Variants in INPP5A observed in about 807,000 individuals in gnomAD.
The protein encoded by INPP5A is inositol polyphosphate-5-phosphatase A.
In INPP5A, 14 loss-of-function variants were observed where a neutral mutation model predicts 65.2. That is an observed-to-expected ratio of 0.21 (90% confidence interval 0.14 to 0.34). The LOEUF is 0.34. Ranked by LOEUF, INPP5A falls within the 10% of genes least tolerant of loss-of-function variation. INPP5A has a pLI of 1.00. For synonymous variants in INPP5A, 207 were observed against 208.3 expected, an observed-to-expected ratio of 0.99 and a Z score of 0.05; for missense variants, 431 against 545.6, an observed-to-expected ratio of 0.79 and a Z score of 2.09.
At chr10:132,686,490 G>C (rs750568337) in intron 4 of INPP5A, among the ~76,000 whole-genome samples, 1 of 152,206 alleles carries the variant, frequency 6.6e-6, no homozygotes, top group Non-Finnish European at 1.5e-5. Context: ...GGCAGGCCCC[G>C]GACACGCTCC....
chr10:132,685,990 C>T (rs1219036974), intron 4 of INPP5A, among the ~76,000 whole-genome samples: 4 of 152,220 alleles, frequency 2.6e-5, no homozygotes, highest in African/African-American at 9.6e-5. Context: ...AGGCACTGAG[C>T]CCCCATGGTA....
At chr10:132,599,706 C>A (rs1035600304) in intron 1 of INPP5A, among the ~76,000 whole-genome samples, 1 of 152,240 alleles carries the variant, frequency 6.6e-6, no homozygotes, top group Non-Finnish European at 1.5e-5. Flanking sequence ...TCCATGAGGG[C>A]CCCACCCCTG....
chr10:132,651,656 C>T lies in INPP5A; in HGVS notation c.306+1151C>T, dbSNP rs941673761. 6.6e-5 allele frequency among the ~76,000 whole-genome samples: 10 copies of T among 152,178 alleles called. No homozygotes were observed. Among genetic ancestry groups the T allele is most frequent in the Non-Finnish European group, 7.4e-5 (5 of 68,022 alleles). On this transcript the variant is annotated intron_variant, in intron 4 of 15. Coordinates refer to ENST00000368594, the MANE Select transcript of INPP5A (RefSeq NM_005539.5). This position sits in a 1 kb window ranked among gnomAD's most constrained non-coding sequence, Gnocchi z 5.0. The stretch of plus-strand genomic sequence containing the variant: ...ATCTGCCCTCTCCCAGGTGGGCCCC[C>T]GTAGGCTGCAGTGCTGAGGGTCTCG...
chr10:132,718,252 C>T (rs962688722), intron 8 of INPP5A, among the ~76,000 whole-genome samples: 59 of 142,806 alleles, frequency 4.1e-4, no homozygotes, highest in South Asian at 1.4e-3. Context: ...AGACGGCTGT[C>T]TTGCGGGTTC....
chr10:132,631,366 A>G (rs2072270941), intron 2 of INPP5A, among the ~76,000 whole-genome samples: 1 of 152,106 alleles, frequency 6.6e-6, no homozygotes, highest in Non-Finnish European at 1.5e-5. Context: ...CCCAGCCCCG[A>G]AGGGACCTGG....
At chr10:132,648,403 T>G (rs1323579699) in intron 3 of INPP5A, among the ~76,000 whole-genome samples, 1 of 152,266 alleles carries the variant, frequency 6.6e-6, no homozygotes, top group East Asian at 1.9e-4. Context: ...CTTTAAACAA[T>G]TTTCTTTTTA....
chr10:132,624,871 GC>G (rs1564938832), intron 2 of INPP5A, among the ~76,000 whole-genome samples: 1 of 148,058 alleles, frequency 6.8e-6, no homozygotes, highest in Non-Finnish European at 1.5e-5. Flanking sequence ...GCTCCATGCC[GC>G]CGGTGCCAGG....
intron 1 of INPP5A, among the ~76,000 whole-genome samples, chr10:132,577,841 G>A (rs1477321680): frequency 6.6e-6 from 1 of 152,218 alleles, no homozygotes; most frequent in Non-Finnish European, 1.5e-5. Flanking sequence ...CTCGGTTCCA[G>A]CCTCGTTGGT....
At chr10:132,744,661 T>C (rs1018002469) in intron 9 of INPP5A, among the ~76,000 whole-genome samples, 4 of 152,228 alleles carry the variant, frequency 2.6e-5, no homozygotes, top group Admixed American at 6.5e-5. Flanking sequence ...GGGGGCAACG[T>C]TGGCTTTGTG....
At chr10:132,641,650 C>G (rs940376850) in intron 2 of INPP5A, among the ~76,000 whole-genome samples, 1 of 152,170 alleles carries the variant, frequency 6.6e-6, no homozygotes, top group Admixed American at 6.5e-5. Context: ...GTAAACTGTG[C>G]GTGGAGGTAG....
intron 12 of INPP5A, among the ~76,000 whole-genome samples, chr10:132,773,386 T>A (rs1846989628): frequency 6.6e-6 from 1 of 152,060 alleles, no homozygotes. Context: ...AACACAAAAA[T>A]ATACGCAACA....
chr10:132,745,929 C>T (rs548064962), intron 9 of INPP5A, among the ~76,000 whole-genome samples: 19 of 152,142 alleles, frequency 1.2e-4, no homozygotes, highest in South Asian at 4.1e-4. Flanking sequence ...CAGGCGGGTG[C>T]GTGAGAGCTC....
intron 11 of INPP5A, among the ~76,000 whole-genome samples, chr10:132,751,984 G>A (rs1251314310): frequency 6.8e-6 from 1 of 148,136 alleles, no homozygotes; most frequent in Non-Finnish European, 1.5e-5. Flanking sequence ...GACGTGTCTG[G>A]GTAGAGGCGG....
intron 8 of INPP5A, among the ~76,000 whole-genome samples, chr10:132,712,617 TG>T (rs1564977626): frequency 7.1e-6 from 1 of 141,524 alleles, no homozygotes; most frequent in Non-Finnish European, 1.5e-5. Context: ...TGTGGGTGCA[TG>T]TGTGTGTGGG....
chr10:132,562,293 C>T (rs2071216211), intron 1 of INPP5A, among the ~76,000 whole-genome samples: 1 of 152,260 alleles, frequency 6.6e-6, no homozygotes, highest in Non-Finnish European at 1.5e-5. Context: ...CTGGGAGGCA[C>T]CTTCTGCGTG....
chr10:132,590,734 T>C lies in INPP5A; in HGVS notation c.76-17181T>C, dbSNP rs537144779. ...ACGTGCCGTCTTTGGAGGTCGTGAG[T>C]GTTTGAGTCTTTTCATCTCGGCCCC... On this transcript the variant is annotated intron_variant, in intron 1 of 15. Transcript: ENST00000368594. Among the ~76,000 whole-genome samples, 35 of 152,050 alleles carry C rather than the reference T, an allele frequency of 2.3e-4. 1 individual carries two copies. In the South Asian group the frequency reaches 4.8e-3, roughly 21 times the overall value.
At chr10:132,743,719 C>G (rs1257001612) in intron 9 of INPP5A, among the ~76,000 whole-genome samples, 1 of 152,236 alleles carries the variant, frequency 6.6e-6, no homozygotes, top group Non-Finnish European at 1.5e-5. Flanking sequence ...CAGCCCACAG[C>G]GGTCACACCC....
chr10:132,773,949 C>A (rs1442923214), intron 12 of INPP5A, among the ~76,000 whole-genome samples: 2 of 152,142 alleles, frequency 1.3e-5, no homozygotes, highest in African/African-American at 2.4e-5. Flanking sequence ...TGTATAGAGA[C>A]AGGGGTCTTA....
chr10:132,626,050 G>A lies in INPP5A; in HGVS notation c.117+18094G>A, dbSNP rs746281289. 3.3e-4 allele frequency among the ~76,000 whole-genome samples: 50 copies of A among 152,152 alleles called. 1 individual carries two copies. Among genetic ancestry groups the A allele is most frequent in the South Asian group, 8.3e-4 (4 of 4,826 alleles). ...CCTCTTCCCTGCTGCCCCGCCCCTCGGGTACCACAGATCCGTTTTTCCCAT... is the reference window on the plus strand; with the variant it reads ...CCTCTTCCCTGCTGCCCCGCCCCTCAGGTACCACAGATCCGTTTTTCCCAT... On this transcript the variant is annotated intron_variant, in intron 2 of 15. Transcript: ENST00000368594.
Sources: gnomAD v4.1 joint callset for allele counts (sites outside exome capture counted in the v4.1 genomes callset) on GRCh38, gnomAD v4.1.1 for gene constraint, Gnocchi (gnomAD v3.1) non-coding constraint, MANE v1.5 for transcripts, NCBI Gene and HGNC (gene_info 2026-07-23, HGNC 2026-07-21) for gene names.